OR11A1: variants seen among roughly 807,000 people sequenced by gnomAD.
OR11A1 encodes the protein olfactory receptor family 11 subfamily A member 1, also known as olfactory receptor 11A1.
For synonymous variants in OR11A1, 158 were observed against 152.2 expected (o/e 1.04, Z -0.28); for missense variants, 380 against 378.2 (o/e 1.00, Z -0.04).
At chr6:29,444,682 A>G (rs1784549822) in intron 1 of OR11A1, among the ~76,000 whole-genome samples, 1 of 152,128 alleles carries the variant, frequency 6.6e-6, no homozygotes, top group South Asian at 2.1e-4. Flanking sequence ...AACTACATTA[A>G]TCCTGGGCAA....
intron 3 of OR11A1, among the ~76,000 whole-genome samples, 188 bp from the exon 4 acceptor site, chr6:29,429,148 A>G (rs571648264): frequency 1.3e-5 from 2 of 152,340 alleles, no homozygotes; most frequent in Admixed American, 1.3e-4. Context: ...TAATACAAAT[A>G]GTCTAGAACA....
chr6:29,433,103 T>C (rs1287931919), intron 1 of OR11A1, among the ~76,000 whole-genome samples: 1 of 152,228 alleles, frequency 6.6e-6, no homozygotes, highest in Non-Finnish European at 1.5e-5. Context: ...TATAACATGA[T>C]GTTTTGACAT....
chr6:29,455,695 G>T (rs1786045878), intron 1 of OR11A1, among the ~76,000 whole-genome samples: 1 of 151,932 alleles, frequency 6.6e-6, no homozygotes, highest in Non-Finnish European at 1.5e-5. Context: ...GGGCAACATG[G>T]TGAAACCCCC....
At position 29,429,309 on chromosome 6, in the gene OR11A1, A is replaced by G. The variant is rs370075315; in HGVS notation, c.-139-349T>C. ...TACCTCTGCTCATTGCTAACGTTAA[A>G]TCCTCGAAGACCCAGCTTAAGAACT... is the stretch of plus-strand genomic sequence containing the variant. On this transcript the variant is annotated intron_variant, in intron 3 of 4. Transcript: ENST00000377149. 3.8e-4 allele frequency among the ~76,000 whole-genome samples: 58 copies of G among 152,262 alleles called. 1 individual carries two copies. In the South Asian group the frequency reaches 9.8e-3, roughly 26 times the overall value.
At chr6:29,439,619 A>C in intron 1 of OR11A1, 1 of 191,208 alleles carries the variant, frequency 5.2e-6, no homozygotes, top group Non-Finnish European at 1.1e-5. Context: ...AAGATCTGCT[A>C]TGAGGGAAAA....
In OR11A1 at chr6:29,428,931, A is replaced by G. The variant is rs1783066942; in HGVS notation, c.-110T>C. 1 of 974,956 alleles carries G rather than the reference A, an allele frequency of 1.0e-6. No individual in the cohort carries two copies. The highest frequency in any genetic ancestry group is 1.2e-6 in the Non-Finnish European group (1 of 820,710). 60.4% of individuals were successfully genotyped at this position (974,956 alleles called of 1,614,324 possible). A position where few individuals can be genotyped will look rare whatever the true frequency, so the allele number is the denominator to read the frequency against. ...GTCATACCTGCTGGAAGGTTTTCAT[A>G]TGCTATTCAAAGCAATATGTGTTTA... On this transcript the variant is annotated 5_prime_UTR_variant, in exon 4 of 5. Transcript: ENST00000377149.
intron 1 of OR11A1, among the ~76,000 whole-genome samples, chr6:29,446,806 C>T (rs1784822519): frequency 6.6e-6 from 1 of 152,198 alleles, no homozygotes; most frequent in African/African-American, 2.4e-5. Flanking sequence ...CCAATACTGA[C>T]TTCTCAGGAG....
At chr6:29,440,162 C>T (rs534671239) in intron 1 of OR11A1, 5 of 1,613,504 alleles carry the variant, frequency 3.1e-6, no homozygotes, top group Non-Finnish European at 4.2e-6. Context: ...TGCTGGTCTC[C>T]ACTGATGCTG....
At chr6:29,436,303 T>C (rs1783622876) in intron 1 of OR11A1, among the ~76,000 whole-genome samples, 1 of 152,184 alleles carries the variant, frequency 6.6e-6, no homozygotes, top group Non-Finnish European at 1.5e-5. Context: ...TTTTTGTTTG[T>C]TTTTTGGTGA....
intron 1 of OR11A1, among the ~76,000 whole-genome samples, chr6:29,436,736 T>C (rs373194956): frequency 5.3e-5 from 8 of 152,198 alleles, no homozygotes; most frequent in African/African-American, 1.9e-4. Context: ...TGAAGTGAAT[T>C]GTACAAAGTT....
intron 1 of OR11A1, among the ~76,000 whole-genome samples, chr6:29,456,179 G>A (rs1201174749): frequency 2.0e-5 from 3 of 150,504 alleles, no homozygotes; most frequent in Non-Finnish European, 3.0e-5. Flanking sequence ...CCAGTGAGCC[G>A]AGATCACACC....
chr6:29,440,073 G>A, intron 1 of OR11A1: 1 of 1,613,056 alleles, frequency 6.2e-7, no homozygotes. Flanking sequence ...CTCCCACCTG[G>A]CCGACCTCCA....
At chr6:29,435,705 A>C (rs1003302128) in intron 1 of OR11A1, among the ~76,000 whole-genome samples, 1 of 152,236 alleles carries the variant, frequency 6.6e-6, no homozygotes, top group African/African-American at 2.4e-5. Flanking sequence ...ATTTTACAAA[A>C]ACAAATTATA....
At chr6:29,442,673 G>C (rs1242899658) in intron 1 of OR11A1, among the ~76,000 whole-genome samples, 1 of 151,460 alleles carries the variant, frequency 6.6e-6, no homozygotes, top group East Asian at 1.9e-4. Flanking sequence ...GTTACTCCCT[G>C]TCCCCACCCC....
intron 1 of OR11A1, chr6:29,440,638 G>T: frequency 6.2e-7 from 1 of 1,614,062 alleles, no homozygotes; most frequent in East Asian, 2.2e-5. Flanking sequence ...CTCATCCTCT[G>T]CCCCTTTGGC....
At chr6:29,439,934 ATC>A in intron 1 of OR11A1, 1 of 1,027,056 alleles carries the variant, frequency 9.7e-7, no homozygotes, top group East Asian at 2.4e-5. Context: ...GAGAGAGGTC[ATC>A]TTTGCCCATT....
At chr6:29,442,540 G>T (rs1253712872) in intron 1 of OR11A1, among the ~76,000 whole-genome samples, 2 of 152,198 alleles carry the variant, frequency 1.3e-5, no homozygotes, top group African/African-American at 4.8e-5. Flanking sequence ...TACATACAGG[G>T]TGGTGATTCT....
rs77448998 is a variant in OR11A1, at chr6:29,453,597, C to T, written c.-389+3390G>A. Among the ~76,000 whole-genome samples, 4 of 152,078 alleles carry T rather than the reference C, an allele frequency of 2.6e-5. No individual in the cohort carries two copies. The highest frequency in any genetic ancestry group is 4.4e-5 in the Non-Finnish European group (3 of 68,004). ...TGTCAGTAAAAGTAACAAACTCAATCGTGTTTAAGGCTCAGGTATCCAGAG... is the reference window on the plus strand; with the variant it reads ...TGTCAGTAAAAGTAACAAACTCAATTGTGTTTAAGGCTCAGGTATCCAGAG... On this transcript the variant is annotated intron_variant, in intron 1 of 4. Coordinates refer to ENST00000377149, the MANE Select transcript of OR11A1 (RefSeq NM_001394828.1). The surrounding 1 kb of genome is among the most constrained non-coding windows in gnomAD (Gnocchi z 4.5).
chr6:29,437,959 A>T (rs1256877458), intron 1 of OR11A1, among the ~76,000 whole-genome samples: 4 of 152,206 alleles, frequency 2.6e-5, no homozygotes, highest in Admixed American at 6.5e-5. Flanking sequence ...ATAAATTTTC[A>T]TTCTCTTTGA....
Sources: allele counts gnomAD v4.1 joint callset (sites outside exome capture counted in the v4.1 genomes callset), GRCh38; gene constraint gnomAD v4.1.1; non-coding constraint Gnocchi (gnomAD v3.1); transcripts MANE v1.5; gene names NCBI Gene and HGNC (gene_info 2026-07-23, HGNC 2026-07-21).